Variants in PCDHGB3 observed in about 807,000 individuals in gnomAD.
The protein encoded by PCDHGB3 is protocadherin gamma-B3.
In PCDHGB3, 40 loss-of-function variants were observed where a neutral mutation model predicts 59.2. That is an observed-to-expected ratio of 0.68 (90% CI 0.52 to 0.88). PCDHGB3 has a LOEUF of 0.88. Among genes scored for constraint, PCDHGB3 ranks in the 40% least tolerant of loss-of-function variants. The pLI is 0.00. For missense variants in PCDHGB3, 1,309 were observed against 1,187.9 expected, an observed-to-expected ratio of 1.10 and a Z score of -1.50; for synonymous variants, 581 against 503.6, an observed-to-expected ratio of 1.15 and a Z score of -2.06.
rs1394234849 is a variant in PCDHGB3 at position 141,415,739 on chromosome 5, GGTTT to G, written c.2415+42931_2415+42934del. The G allele has an allele frequency of 1.9e-3, 837 of 434,806 alleles. 9 individuals are homozygous for G. In the African/African-American group the frequency reaches 0.026, roughly 14 times the overall value. The allele number at this position is 434,806 out of a possible 1,614,324, so 26.9% of individuals were successfully genotyped here. A position where few individuals can be genotyped will look rare whatever the true frequency, so the allele number is the denominator to read the frequency against. On this transcript the variant is annotated intron_variant, in intron 1 of 3. Coordinates refer to ENST00000576222, the MANE Select transcript of PCDHGB3 (RefSeq NM_018924.5). ...ATGAGTAGAATTTGATGTTTATTAAGGTTTTTTTTTTTTTTTTTTTTTTTTTTTT... is the reference window on the plus strand; with the variant it reads ...ATGAGTAGAATTTGATGTTTATTAAGTTTTTTTTTTTTTTTTTTTTTTTTT...
Position 141,409,074 on chromosome 5 carries a change from T to C in PCDHGB3, c.2415+36265T>C, listed in dbSNP as rs375843119. The C allele has an allele frequency of 4.3e-5, 69 of 1,613,884 alleles. No homozygotes were observed. Among genetic ancestry groups the C allele is most frequent in the South Asian group, 2.4e-4 (22 of 91,084 alleles). On this transcript the variant is annotated intron_variant, in intron 1 of 3. Coordinates refer to ENST00000576222, the MANE Select transcript of PCDHGB3 (RefSeq NM_018924.5). The stretch of plus-strand genomic sequence containing the variant: ...AGCACTGCCCAGAGCACAAAACATA[T>C]GTTCTCATTGGATGAGAAAACAGGT...
Position 141,511,995 on chromosome 5 carries a change from A to G in PCDHGB3, c.*822A>G, listed in dbSNP as rs1049905198. The G allele has an allele frequency of 1.3e-5, 2 of 153,074 alleles. No homozygotes were observed. The highest frequency in any genetic ancestry group is 4.8e-5 in the African/African-American group (2 of 41,464). The allele number at this position is 153,074 out of a possible 1,614,324, so 9.5% of individuals were successfully genotyped here. On this transcript the variant is annotated 3_prime_UTR_variant, in exon 4 of 4. Transcript: ENST00000576222. The stretch of plus-strand genomic sequence containing the variant: ...GGATGTGGATGGTGGGGGCATGGAC[A>G]AAGCTTGACACATCAAGTTATCAAG...
At chr5:141,391,264 G>A (rs1427432631) in intron 1 of PCDHGB3, 1 of 151,768 alleles carries the variant, frequency 6.6e-6, no homozygotes, top group Non-Finnish European at 1.5e-5. Context: ...TCAGTTAATG[G>A]CCACTTTACA....
chr5:141,507,287 C>G (rs79707942), intron 3 of PCDHGB3: 1 of 148,974 alleles, frequency 6.7e-6, no homozygotes, highest in East Asian at 1.9e-4. Context: ...AAGTCAGTCT[C>G]AAATGTTGCA....
rs112731052 is a variant in PCDHGB3 at position 141,457,109 on chromosome 5, A to G, written c.2416-37698A>G. ...TATAAGGATACTAATTAAGCAAAAT[A>G]CGACAGCAATGGAAACTCTGTCCAA... is the stretch of plus-strand genomic sequence containing the variant. On this transcript the variant is annotated intron_variant, in intron 1 of 3. Coordinates refer to ENST00000576222, the MANE Select transcript of PCDHGB3 (RefSeq NM_018924.5). 8.3e-3 allele frequency among the ~76,000 whole-genome samples: 1,258 copies of G among 152,360 alleles called. 17 individuals are homozygous for G. Among genetic ancestry groups the G allele is most frequent in the African/African-American group, 0.029 (1,195 of 41,578 alleles).
chr5:141,376,420 T>C (rs1312408619), intron 1 of PCDHGB3: 5 of 1,614,196 alleles, frequency 3.1e-6, no homozygotes, highest in African/African-American at 1.3e-5. Context: ...CCGACACGCT[T>C]ATCAACCAGG....
chr5:141,404,165 T>C, intron 1 of PCDHGB3: 1 of 1,613,246 alleles, frequency 6.2e-7, no homozygotes, highest in South Asian at 1.1e-5. Flanking sequence ...TTACAGATTG[T>C]TGACGGCCCA....
chr5:141,468,847 C>T (rs2099182933), intron 1 of PCDHGB3, among the ~76,000 whole-genome samples: 1 of 151,986 alleles, frequency 6.6e-6, no homozygotes, highest in African/African-American at 2.4e-5. Flanking sequence ...GCCTGGGCAA[C>T]AGAGCGAGAC....
intron 1 of PCDHGB3, chr5:141,412,671 A>T (rs1335241581): frequency 6.6e-6 from 1 of 152,290 alleles, no homozygotes; most frequent in Non-Finnish European, 1.5e-5. Flanking sequence ...AATATGACCT[A>T]AAATAAGTAT....
intron 1 of PCDHGB3, chr5:141,415,739 G>GGT (rs2095908308): frequency 2.3e-6 from 1 of 434,538 alleles, no homozygotes; most frequent in East Asian, 5.9e-5. Context: ...TGTTTATTAA[G>GGT]GTTTTTTTTT....
At chr5:141,509,169 T>C (rs1321257504) in intron 3 of PCDHGB3, among the ~76,000 whole-genome samples, 2 of 152,174 alleles carry the variant, frequency 1.3e-5, no homozygotes, top group African/African-American at 4.8e-5. Context: ...TGTGCCCTCC[T>C]CCTCTTATGC....
Position 141,486,266 on chromosome 5 carries a change from C to G in PCDHGB3, c.2416-8541C>G, listed in dbSNP as rs1311684194. On this transcript the variant is annotated intron_variant, in intron 1 of 3. Transcript: ENST00000576222. The surrounding 1 kb of genome is among the most constrained non-coding windows in gnomAD (Gnocchi z 5.0). Reference sequence around the variant, plus strand: ...TGGAACCCTCCCCGAGAGTGCAGAACCTGGCACTGTGGTGGCACTTATCAG... The same window carrying G: ...TGGAACCCTCCCCGAGAGTGCAGAAGCTGGCACTGTGGTGGCACTTATCAG... 1 of 1,614,098 alleles carries G rather than the reference C, an allele frequency of 6.2e-7. No individual in the cohort carries two copies.
chr5:141,465,312 A>G (rs2099100692), intron 1 of PCDHGB3, among the ~76,000 whole-genome samples: 1 of 152,314 alleles, frequency 6.6e-6, no homozygotes, highest in South Asian at 2.1e-4. Flanking sequence ...GAATTTAGCC[A>G]TGTCAATGCA....
intron 1 of PCDHGB3, among the ~76,000 whole-genome samples, chr5:141,439,224 T>C (rs989512996): frequency 2.2e-4 from 33 of 152,030 alleles, no homozygotes; most frequent in Middle Eastern, 3.4e-3. Context: ...TGAAAATTCT[T>C]AGAAGCTTCC....
chr5:141,473,048 A>T (rs1295750830), intron 1 of PCDHGB3, among the ~76,000 whole-genome samples: 4 of 151,992 alleles, frequency 2.6e-5, no homozygotes, highest in Non-Finnish European at 5.9e-5. Flanking sequence ...GAAAGAAAGA[A>T]GTGATACAAC....
chr5:141,475,820 C>T (rs890721743), intron 1 of PCDHGB3: 2 of 351,808 alleles, frequency 5.7e-6, no homozygotes, highest in African/African-American at 2.1e-5. Context: ...AAGTTCCTGG[C>T]GCTAGCGCGT....
intron 2 of PCDHGB3, 141 bp downstream of exon 2, chr5:141,495,006 G>A (rs1030195663): frequency 1.3e-6 from 2 of 1,521,564 alleles, no homozygotes; most frequent in Non-Finnish European, 1.8e-6. Flanking sequence ...CTTGGTGTGC[G>A]GGGGGCTGGC....
rs372479779 is a variant in PCDHGB3, at chr5:141,399,808, C to T, written c.2415+26999C>T. On this transcript the variant is annotated intron_variant, in intron 1 of 3. Coordinates refer to ENST00000576222, the MANE Select transcript of PCDHGB3 (RefSeq NM_018924.5). The stretch of plus-strand genomic sequence containing the variant: ...CGACAACGCACCGCGGGTGCTGTAC[C>T]CCGCGCTGGGTCCCGACGGCTCTGC... 72 of 1,613,090 alleles carry T rather than the reference C, an allele frequency of 4.5e-5. No homozygotes were observed. The highest frequency in any genetic ancestry group is 6.0e-5 in the Non-Finnish European group (71 of 1,179,762).
intron 1 of PCDHGB3, among the ~76,000 whole-genome samples, chr5:141,381,823 C>CTTTCTTTCT (rs1777506241): frequency 9.8e-6 from 1 of 101,610 alleles, no homozygotes; most frequent in African/African-American, 4.3e-5. Context: ...TTTCTTTCTT[C>CTTTCTTTCT]TTCTTTTTTT....
Sources: allele counts gnomAD v4.1 joint callset (sites outside exome capture counted in the v4.1 genomes callset), GRCh38; gene constraint gnomAD v4.1.1; non-coding constraint Gnocchi (gnomAD v3.1); transcripts MANE v1.5; gene names NCBI Gene and HGNC (gene_info 2026-07-23, HGNC 2026-07-21).